The following GPR26 variants were observed in gnomAD, a reference collection of about 807,000 sequenced individuals.
GPR26 encodes G protein-coupled receptor 26.
In GPR26, 15 loss-of-function variants were observed where a neutral mutation model predicts 23.1. That is an observed-to-expected ratio of 0.65 (90% CI 0.43 to 1.00). GPR26 has a LOEUF of 1.00. Ranked by LOEUF, GPR26 falls within the 50% of genes least tolerant of loss-of-function variation. The pLI, the probability that GPR26 is intolerant of heterozygous loss-of-function variation, is 0.00. For missense variants in GPR26, 359 were observed against 470.5 expected (o/e 0.76, Z 2.19); for synonymous variants, 228 against 222.1 (o/e 1.03, Z -0.24).
intron 2 of GPR26, among the ~76,000 whole-genome samples, chr10:123,680,809 TG>T (rs3051726): frequency 0.07 from 1,977 of 28,224 alleles, 85 homozygotes; most frequent in East Asian, 0.28. Context: ...GGGTTTTTTT[TG>T]TTTTGTTTTG....
chr10:123,671,176 G>A (rs1013287353), intron 1 of GPR26, among the ~76,000 whole-genome samples: 1 of 152,194 alleles, frequency 6.6e-6, no homozygotes, highest in Non-Finnish European at 1.5e-5. Flanking sequence ...CAGGACCCTG[G>A]CCCCTTGTGG....
At chr10:123,669,268 T>C (rs1052144203) in intron 1 of GPR26, among the ~76,000 whole-genome samples, 2 of 152,214 alleles carry the variant, frequency 1.3e-5, no homozygotes, top group African/African-American at 2.4e-5. Flanking sequence ...CTTTAGTGAA[T>C]ACAAACTTGT....
chr10:123,667,449 G>A (rs1845199774), intron 1 of GPR26, among the ~76,000 whole-genome samples: 1 of 152,102 alleles, frequency 6.6e-6, no homozygotes, highest in African/African-American at 2.4e-5. Flanking sequence ...GATTCTGGCC[G>A]AGAGGGCGGC....
In GPR26 at chr10:123,666,478, C is replaced by T. The variant is rs193920957; in HGVS notation, c.71C>T (p.Ala24Val). 1.3e-6 allele frequency: 2 copies of T among 1,560,288 alleles called. No individual in the cohort carries two copies. Among genetic ancestry groups the T allele is most frequent in the Non-Finnish European group, 8.6e-7 (1 of 1,159,320 alleles). ...GTMGVSLLSN[A>V]LVLLCLLHSA... The stretch of plus-strand genomic sequence containing the variant: ...ATGGGCGTCTCGCTGCTGTCCAACG[C>T]GCTGGTGCTGCTCTGCCTGCTGCAC... The change falls in exon 1 of 3, where the codon GCG becomes GTG. Residue 24 changes from alanine (A) to valine (V), a missense_variant. By Grantham distance (64) the Ala-to-Val change is moderately conservative. Transcript: ENST00000284674.
Position 123,697,035 on chromosome 10 carries a change from G to A in GPR26, c.*8875G>A, listed in dbSNP as rs528669369. ...TTCATGAACACAAACAGCTACACTC[G>A]GAGTAGAAAACAAATGAAGCAAAAG... On this transcript the variant is annotated 3_prime_UTR_variant, in exon 3 of 3. Transcript: ENST00000284674. 3.9e-4 allele frequency among the ~76,000 whole-genome samples: 59 copies of A among 152,306 alleles called. No individual in the cohort carries two copies. The highest frequency in any genetic ancestry group is 1.3e-3 in the African/African-American group (54 of 41,560).
intron 2 of GPR26, among the ~76,000 whole-genome samples, chr10:123,680,853 T>TA (rs1378098239): frequency 6.6e-6 from 1 of 151,106 alleles, no homozygotes; most frequent in Non-Finnish European, 1.5e-5. Flanking sequence ...TTTTTTGTTT[T>TA]TTTTGAGACA....
chr10:123,668,317 C>T (rs566010287), intron 1 of GPR26, among the ~76,000 whole-genome samples: 50 of 152,312 alleles, frequency 3.3e-4, no homozygotes, highest in African/African-American at 1.1e-3. Flanking sequence ...CAAGTGTGCA[C>T]GTGTTCATTG....
At position 123,666,552 on chromosome 10, in the gene GPR26, A is replaced by T; in HGVS notation, c.145A>T (p.Thr49Ser). 6.3e-7 allele frequency: 1 copy of T among 1,596,190 alleles called. No homozygotes were observed. Among genetic ancestry groups the T allele is most frequent in the Non-Finnish European group, 8.5e-7 (1 of 1,173,824 alleles). The change falls in exon 1 of 3, where the codon ACG (threonine) becomes TCG (serine). Residue 49 changes from threonine (T) to serine (S), a missense_variant. Coordinates refer to ENST00000284674, the MANE Select transcript of GPR26 (RefSeq NM_153442.4). ...QAPALFTLNL[T>S]CGNLLCTVVN... ...GCCGGCGCTCTTCACCCTGAACCTC[A>T]CGTGCGGGAACCTGCTGTGCACCGT... is the stretch of plus-strand genomic sequence containing the variant.
chr10:123,691,694 G>A lies in GPR26; in HGVS notation c.*3534G>A, dbSNP rs929594055. ...AGCATCATGGGAAAAAGAGGTCCGA[G>A]TCATATTTAGGGCTTCATGTGTCTG... On this transcript the variant is annotated 3_prime_UTR_variant, in exon 3 of 3. Transcript: ENST00000284674. 1 of 152,190 alleles carries A rather than the reference G, an allele frequency of 6.6e-6. No individual in the cohort carries two copies. Among genetic ancestry groups the A allele is most frequent in the Non-Finnish European group, 1.5e-5 (1 of 68,036 alleles). The allele number at this position is 152,190 out of a possible 1,614,324, so 9.4% of individuals were successfully genotyped here. A position where few individuals can be genotyped will look rare whatever the true frequency, so the allele number is the denominator to read the frequency against.
In GPR26 at chr10:123,693,104, G is replaced by C. The variant is rs1437767653; in HGVS notation, c.*4944G>C. 6.6e-6 allele frequency: 1 copy of C among 152,182 alleles called. No homozygotes were observed. The highest frequency in any genetic ancestry group is 1.9e-4 in the East Asian group (1 of 5,194). The allele number at this position is 152,182 out of a possible 1,614,324, so 9.4% of individuals were successfully genotyped here. ...CCTGTGCTAACACCCATACCCACCA[G>C]CTGGGCGTTGGGACCTCTCCCGTCA... is the stretch of plus-strand genomic sequence containing the variant. On this transcript the variant is annotated 3_prime_UTR_variant, in exon 3 of 3. Transcript: ENST00000284674.
At position 123,696,373 on chromosome 10, in the gene GPR26, C is replaced by A. The variant is rs1377395259; in HGVS notation, c.*8213C>A. On this transcript the variant is annotated 3_prime_UTR_variant, in exon 3 of 3. Transcript: ENST00000284674. ...GCACTGAACACCAATTCTTTACATT[C>A]CTTGAATTTTCATAGATTCTATTTT... Among the ~76,000 whole-genome samples the A allele has an allele frequency of 6.6e-6, 1 of 152,106 alleles. No homozygotes were observed. The highest frequency in any genetic ancestry group is 1.5e-5 in the Non-Finnish European group (1 of 68,022).
At chr10:123,669,170 C>T (rs1220237799) in intron 1 of GPR26, among the ~76,000 whole-genome samples, 6 of 152,208 alleles carry the variant, frequency 3.9e-5, no homozygotes, top group Non-Finnish European at 7.3e-5. Flanking sequence ...CTTCTGGGGC[C>T]GGGGTTGCCA....
rs1326433833 is a variant in GPR26, at chr10:123,688,225, G to T, written c.*65G>T. 1 of 891,554 alleles carries T rather than the reference G, an allele frequency of 1.1e-6. No individual in the cohort carries two copies. Among genetic ancestry groups the T allele is most frequent in the East Asian group, 2.6e-5 (1 of 38,980 alleles). 55.2% of individuals were successfully genotyped at this position (891,554 alleles called of 1,614,324 possible). A position where few individuals can be genotyped will look rare whatever the true frequency, so the allele number is the denominator to read the frequency against. On this transcript the variant is annotated 3_prime_UTR_variant, in exon 3 of 3. Transcript: ENST00000284674. ...GGTGAGAAGAAGGGTGGGAGGGCGTGGGGGCCCCTGGGTGGACACCACCAG... is the reference window on the plus strand; with the variant it reads ...GGTGAGAAGAAGGGTGGGAGGGCGTTGGGGCCCCTGGGTGGACACCACCAG...
At position 123,694,765 on chromosome 10, in the gene GPR26, A is replaced by T. The variant is rs1845524536; in HGVS notation, c.*6605A>T. ...GCAGATTCCCTAGGAAGTTGAACGA[A>T]GAAGGAAGGAAGGAAGAAAGGAGAG... is the stretch of plus-strand genomic sequence containing the variant. On this transcript the variant is annotated 3_prime_UTR_variant, in exon 3 of 3. Transcript: ENST00000284674. Among the ~76,000 whole-genome samples the T allele has an allele frequency of 7.2e-6, 1 of 138,666 alleles. No individual in the cohort carries two copies. The allele number at this position is 138,666 out of a possible 152,430, so 91.0% of individuals were successfully genotyped here.
At chr10:123,686,358 TTAAAG>T (rs1372325460) in intron 2 of GPR26, among the ~76,000 whole-genome samples, 3 of 152,216 alleles carry the variant, frequency 2.0e-5, no homozygotes, top group Non-Finnish European at 2.9e-5. Context: ...ATAGATTTCT[TTAAAG>T]TATAGATTTC....
rs1244792033 is a variant in GPR26 at position 123,674,213 on chromosome 10, C to T, written c.669-605C>T. On this transcript the variant is annotated intron_variant, in intron 1 of 2. Transcript: ENST00000284674. The surrounding 1 kb of genome is among the most constrained non-coding windows in gnomAD (Gnocchi z 4.1). ...CCTCAGGTGATCCACCCACTTCGGCCTCCCAAAGTGCTGGGATTACAGGTG... is the reference window on the plus strand; with the variant it reads ...CCTCAGGTGATCCACCCACTTCGGCTTCCCAAAGTGCTGGGATTACAGGTG... 6.6e-6 allele frequency among the ~76,000 whole-genome samples: 1 copy of T among 152,192 alleles called. No individual in the cohort carries two copies. The highest frequency in any genetic ancestry group is 1.9e-4 in the East Asian group (1 of 5,182).
chr10:123,689,651 G>A lies in GPR26; in HGVS notation c.*1491G>A, dbSNP rs1324487467. ...TTTGGAGGTATAGAAGGAAGGATGT[G>A]GTCCAACGGGAAGGAAGTGAAGAGT... On this transcript the variant is annotated 3_prime_UTR_variant, in exon 3 of 3. Coordinates refer to ENST00000284674, the MANE Select transcript of GPR26 (RefSeq NM_153442.4). 1 of 152,164 alleles carries A rather than the reference G, an allele frequency of 6.6e-6. No homozygotes were observed. The highest frequency in any genetic ancestry group is 2.1e-4 in the South Asian group (1 of 4,816). 9.4% of individuals were successfully genotyped at this position (152,164 alleles called of 1,614,324 possible). A position where few individuals can be genotyped will look rare whatever the true frequency, so the allele number is the denominator to read the frequency against.
At chr10:123,672,699 T>TCCTG (rs1281147221) in intron 1 of GPR26, among the ~76,000 whole-genome samples, 1 of 152,218 alleles carries the variant, frequency 6.6e-6, no homozygotes, top group Non-Finnish European at 1.5e-5. Context: ...TGGGTTCAGG[T>TCCTG]CCTGCCATCA....
At position 123,692,903 on chromosome 10, in the gene GPR26, A is replaced by G. The variant is rs1391795703; in HGVS notation, c.*4743A>G. On this transcript the variant is annotated 3_prime_UTR_variant, in exon 3 of 3. Transcript: ENST00000284674. ...AGTATCTAAGTTTCAATTGTCTTGT[A>G]TCTTTCCCTAATTCTCCAAACGGTT... The G allele has an allele frequency of 1.3e-5, 2 of 152,120 alleles. No individual in the cohort carries two copies. Among genetic ancestry groups the G allele is most frequent in the Non-Finnish European group, 2.9e-5 (2 of 68,026 alleles). The allele number at this position is 152,120 out of a possible 1,614,324, so 9.4% of individuals were successfully genotyped here.
Sources: gnomAD v4.1 joint callset for allele counts (sites outside exome capture counted in the v4.1 genomes callset) on GRCh38, gnomAD v4.1.1 for gene constraint, Gnocchi (gnomAD v3.1) non-coding constraint, MANE v1.5 for transcripts, NCBI Gene and HGNC (gene_info 2026-07-23, HGNC 2026-07-21) for gene names.